Variants in PIGV observed in about 807,000 individuals in gnomAD.
PIGV encodes the protein phosphatidylinositol glycan anchor biosynthesis class V, also known as GPI alpha-1,6-mannosyltransferase 2.
A neutral mutation model predicts 39.2 loss-of-function variants in PIGV; 27 were observed. The observed-to-expected ratio is 0.69, with a 90% CI of 0.51 to 0.95. The LOEUF is 0.95. Ranked by LOEUF, PIGV falls within the 40% of genes least tolerant of loss-of-function variation. The probability of loss-of-function intolerance (pLI) is 0.00; values close to 1 mark genes in which losing one functional copy is unlikely to be tolerated. For missense variants in PIGV, 523 were observed against 586.4 expected, an observed-to-expected ratio of 0.89 and a Z score of 1.12; for synonymous variants, 232 against 241.7, an observed-to-expected ratio of 0.96 and a Z score of 0.37.
chr1:26,790,569 A>G (rs1557626372), intron 1 of PIGV, among the ~76,000 whole-genome samples, 190 bp from the exon 2 acceptor site: 1 of 152,184 alleles, frequency 6.6e-6, no homozygotes, highest in Admixed American at 6.5e-5. Context: ...AACTTTACCA[A>G]CGACAGTTCA....
At position 26,800,063 on chromosome 1, in the gene PIGV, T is replaced by C. The variant is rs1246862825; in HGVS notation, c.*2219T>C. Among the ~76,000 whole-genome samples, 1 of 152,150 alleles carries C rather than the reference T, an allele frequency of 6.6e-6. No homozygotes were observed. The highest frequency in any genetic ancestry group is 1.5e-5 in the Non-Finnish European group (1 of 68,026). Reference sequence around the variant, plus strand: ...CACAGAGTAGGTGTGATGTCACTGCTCTGGCAGTCTCAGTTTAACCTTCAC... The same window carrying C: ...CACAGAGTAGGTGTGATGTCACTGCCCTGGCAGTCTCAGTTTAACCTTCAC... On this transcript the variant is annotated 3_prime_UTR_variant, in exon 4 of 4. Transcript: ENST00000674202.
At chr1:26,790,733 T>G in intron 1 of PIGV, 26 bp from the exon 2 acceptor site, 3 of 1,095,678 alleles carry the variant, frequency 2.7e-6, no homozygotes, top group Non-Finnish European at 2.8e-6. Flanking sequence ...ACTCGATGTG[T>G]GACATTTTCC....
chr1:26,792,720 G>T (rs1283746628), intron 2 of PIGV, among the ~76,000 whole-genome samples: 1 of 152,172 alleles, frequency 6.6e-6, no homozygotes, highest in Admixed American at 6.5e-5. Flanking sequence ...GTTACCCTTC[G>T]TTGCTGCTGT....
rs761560339 is a variant in PIGV at position 26,794,482 on chromosome 1, T to A, written c.448T>A (p.Tyr150Asn). 6.2e-7 allele frequency: 1 copy of A among 1,614,272 alleles called. No homozygotes were observed. Among genetic ancestry groups the A allele is most frequent in the Admixed American group, 1.7e-5 (1 of 60,034 alleles). Reference sequence around the variant, plus strand: ...TTTGCACTGTCCCCACCAGTCCTTTTATGCAGCTCTGCTTTTCTGTCTCAG... The same window carrying A: ...TTTGCACTGTCCCCACCAGTCCTTTAATGCAGCTCTGCTTTTCTGTCTCAG... Reference protein sequence around the residue: ...LVLHCPHQSFYAALLFCLSPA... With the variant: ...LVLHCPHQSFNAALLFCLSPA... The change falls in exon 3 of 4, where the codon TAT becomes AAT. Residue 150 changes from tyrosine (Y) to asparagine (N), a missense_variant. By Grantham distance (143) the Tyr-to-Asn change is moderately radical. Transcript: ENST00000674202.
rs1426188605 is a variant in PIGV, at chr1:26,797,956, A to ATCTTTC, written c.*124_*129dup. ...TGGGATCATTACTGTGTCCATTATA[A>ATCTTTC]TCTTTCTCTTTCTCTTTGAAAGCTG... On this transcript the variant is annotated 3_prime_UTR_variant, in exon 4 of 4. Coordinates refer to ENST00000674202, the MANE Select transcript of PIGV (RefSeq NM_017837.4). The ATCTTTC allele has an allele frequency of 4.2e-6, 4 of 954,634 alleles. No homozygotes were observed. Among genetic ancestry groups the ATCTTTC allele is most frequent in the Non-Finnish European group, 6.7e-6 (4 of 595,342 alleles). The allele number at this position is 954,634 out of a possible 1,614,324, so 59.1% of individuals were successfully genotyped here.
At position 26,799,075 on chromosome 1, in the gene PIGV, A is replaced by G. The variant is rs1212284049; in HGVS notation, c.*1231A>G. Among the ~76,000 whole-genome samples, 3 of 152,190 alleles carry G rather than the reference A, an allele frequency of 2.0e-5. No individual in the cohort carries two copies. Among genetic ancestry groups the G allele is most frequent in the African/African-American group, 7.2e-5 (3 of 41,444 alleles). On this transcript the variant is annotated 3_prime_UTR_variant, in exon 4 of 4. Transcript: ENST00000674202. ...GCTTAAATGTGTGATTTTAGGAGAA[A>G]ATATCCAGTTCTCCTGTTTTCAGCA...
intron 1 of PIGV, chr1:26,788,552 C>A (rs1335952220): frequency 6.6e-6 from 1 of 152,304 alleles, no homozygotes; most frequent in African/African-American, 2.4e-5. Flanking sequence ...CTGGGCTAGG[C>A]GTTTGGGTGA....
intron 2 of PIGV, among the ~76,000 whole-genome samples, 160 bp from the exon 3 acceptor site, chr1:26,793,953 C>A (rs1320551856): frequency 6.6e-6 from 1 of 152,066 alleles, no homozygotes; most frequent in Non-Finnish European, 1.5e-5. Flanking sequence ...CTATGTTGCC[C>A]AGGCTGGTCA....
In PIGV at chr1:26,797,562, G is replaced by C. The variant is rs1363425800; in HGVS notation, c.1201-1G>C. On this transcript the variant is annotated splice_acceptor_variant, in intron 3 of 3. Coordinates refer to ENST00000674202, the MANE Select transcript of PIGV (RefSeq NM_017837.4). LOFTEE classifies it high-confidence loss of function. ...GGATATTCCCCTCTCATGATTTCTA[G>C]GTTCTCACCAGGTTTTTGGGCTCCT... 6.2e-7 allele frequency: 1 copy of C among 1,613,704 alleles called. No homozygotes were observed. Among genetic ancestry groups the C allele is most frequent in the Admixed American group, 1.7e-5 (1 of 60,006 alleles).
upstream of PIGV, chr1:26,787,550 T>G (rs1570629629): frequency 6.6e-6 from 1 of 152,364 alleles, no homozygotes; most frequent in East Asian, 1.9e-4. Context: ...AGGACATCTA[T>G]TGTGTGTCAG....
At chr1:26,789,457 A>G (rs1191505658) in intron 1 of PIGV, among the ~76,000 whole-genome samples, 1 of 152,200 alleles carries the variant, frequency 6.6e-6, no homozygotes, top group African/African-American at 2.4e-5. Context: ...GACATGAGAT[A>G]TGATGGGAAG....
chr1:26,794,287 T>A lies in PIGV; in HGVS notation c.253T>A (p.Phe85Ile). The change falls in exon 3 of 4, where the codon TTT (phenylalanine) becomes ATT (isoleucine). Residue 85 changes from phenylalanine to isoleucine, a missense_variant. Coordinates refer to ENST00000674202, the MANE Select transcript of PIGV (RefSeq NM_017837.4). ...GCATGGCTACCTGTATGAGCACAAC[T>A]TTGCCTTCTTTCCTGGTTTCCCCTT... ...AEHGYLYEHN[F>I]AFFPGFPLAL... The A allele has an allele frequency of 1.2e-6, 2 of 1,614,232 alleles. No homozygotes were observed. The highest frequency in any genetic ancestry group is 2.2e-5 in the South Asian group (2 of 91,090).
Position 26,798,221 on chromosome 1 carries a change from C to T in PIGV, c.*377C>T, listed in dbSNP as rs982339633. 5 of 324,644 alleles carry T rather than the reference C, an allele frequency of 1.5e-5. No individual in the cohort carries two copies. Among genetic ancestry groups the T allele is most frequent in the Non-Finnish European group, 3.0e-5 (5 of 167,774 alleles). 20.1% of individuals were successfully genotyped at this position (324,644 alleles called of 1,614,324 possible). On this transcript the variant is annotated 3_prime_UTR_variant, in exon 4 of 4. Transcript: ENST00000674202. ...TTCATCAAAGGCATTAGCTGACAGGCTGGTAACAGTCCACACAAGATGGTA... is the reference window on the plus strand; with the variant it reads ...TTCATCAAAGGCATTAGCTGACAGGTTGGTAACAGTCCACACAAGATGGTA...
chr1:26,787,248 GGTTTT>G (rs2081248800), upstream of PIGV, among the ~76,000 whole-genome samples: 1 of 152,146 alleles, frequency 6.6e-6, no homozygotes, highest in East Asian at 1.9e-4. Context: ...CCCAATAGAC[GGTTTT>G]GTTGAGTTCG....
intron 3 of PIGV, among the ~76,000 whole-genome samples, chr1:26,795,583 C>T (rs1175444131): frequency 2.0e-5 from 3 of 151,292 alleles, no homozygotes; most frequent in Admixed American, 6.6e-5. Context: ...TGGTGGCAGG[C>T]ACCTGTAATC....
rs1375941465 is a variant in PIGV, at chr1:26,795,043, C to T, written c.1009C>T (p.Leu337=). 7 of 1,614,084 alleles carry T rather than the reference C, an allele frequency of 4.3e-6. No homozygotes were observed. The highest frequency in any genetic ancestry group is 5.9e-6 in the Non-Finnish European group (7 of 1,180,038). ...TCTACTGGCTGCACCAGTGGCTATA[C>T]TGGTTGCCTGGGCAACTTGGACATA... ...NFLLAAPVAI[L]VAWATWTYVT... The change falls in exon 3 of 4, where the codon CTG becomes TTG. Residue 337 remains leucine (L), a synonymous_variant. Coordinates refer to ENST00000674202, the MANE Select transcript of PIGV (RefSeq NM_017837.4).
chr1:26,790,304 A>G (rs562926967), intron 1 of PIGV, among the ~76,000 whole-genome samples: 1 of 152,250 alleles, frequency 6.6e-6, no homozygotes, highest in Non-Finnish European at 1.5e-5. Flanking sequence ...AATAATAGCA[A>G]CCACAACACA....
chr1:26,797,494 C>T (rs572607892), intron 3 of PIGV, 69 bp from the exon 4 acceptor site: 36 of 1,344,072 alleles, frequency 2.7e-5, no homozygotes, highest in Non-Finnish European at 3.6e-5. Flanking sequence ...GAGAAGTCCC[C>T]GGGCTGGTCC....
rs926476678 is a variant in PIGV, at chr1:26,795,202, C to T, written c.1168C>T (p.Leu390=). The stretch of plus-strand genomic sequence containing the variant: ...GTACGTGGTCCACGCTGCAGTGCTG[C>T]TGCTGTTTGGAGGTCTGTGCATGCA... ...FVYVVHAAVL[L]LFGGLCMHVQ... Residue 390 remains leucine (L), a synonymous_variant, in exon 3 of 4, where the codon CTG becomes TTG. Transcript: ENST00000674202. 1 of 1,613,936 alleles carries T rather than the reference C, an allele frequency of 6.2e-7. No individual in the cohort carries two copies. The highest frequency in any genetic ancestry group is 1.7e-5 in the Admixed American group (1 of 60,024).
Sources: allele counts gnomAD v4.1 joint callset (sites outside exome capture counted in the v4.1 genomes callset), GRCh38; gene constraint gnomAD v4.1.1; transcripts MANE v1.5; gene names NCBI Gene and HGNC (gene_info 2026-07-23, HGNC 2026-07-21).